NRG1: variants seen among roughly 807,000 people sequenced by gnomAD.
NRG1 encodes pro-neuregulin-1, membrane-bound isoform.
A neutral mutation model predicts 63.8 loss-of-function variants in NRG1; 18 were observed. That is an observed-to-expected ratio of 0.28 (90% CI 0.19 to 0.42). The LOEUF is 0.42. Among genes scored for constraint, NRG1 ranks in the 10% least tolerant of loss-of-function variants. The pLI, the probability that NRG1 is intolerant of heterozygous loss-of-function variation, is 1.00. For missense variants in NRG1, 762 were observed against 814.7 expected (o/e 0.94, Z 0.79); for synonymous variants, 302 against 301.3 (o/e 1.00, Z -0.02).
chr8:32,065,134 GA>G (rs760234792), intron 1 of NRG1, among the ~76,000 whole-genome samples: 2,429 of 145,382 alleles, frequency 0.017, 21 homozygotes, highest in Middle Eastern at 0.025. Context: ...GATTCCTACA[GA>G]AAAAAAAAAA....
intron 1 of NRG1, among the ~76,000 whole-genome samples, chr8:31,806,614 A>G (rs1822313473): frequency 6.6e-6 from 1 of 152,154 alleles, no homozygotes; most frequent in African/African-American, 2.4e-5. Context: ...GCTCAACCTA[A>G]TACCCTTTCT....
intron 1 of NRG1, among the ~76,000 whole-genome samples, chr8:32,032,192 C>G (rs1037733920): frequency 2.0e-5 from 3 of 152,024 alleles, no homozygotes; most frequent in Non-Finnish European, 4.4e-5. Flanking sequence ...TTGCATTTCT[C>G]TAGTGATCAG....
At chr8:31,736,052 T>C (rs1814629379) in intron 1 of NRG1, among the ~76,000 whole-genome samples, 1 of 152,100 alleles carries the variant, frequency 6.6e-6, no homozygotes, top group Admixed American at 6.6e-5. Context: ...ACTCAAACCC[T>C]CCATGAACTT....
chr8:31,699,344 T>C (rs1810398408), intron 1 of NRG1, among the ~76,000 whole-genome samples: 1 of 152,156 alleles, frequency 6.6e-6, no homozygotes. Context: ...CATAGTCACA[T>C]GAATATACCT....
At chr8:31,905,752 A>G (rs923263490) in intron 1 of NRG1, among the ~76,000 whole-genome samples, 2 of 152,224 alleles carry the variant, frequency 1.3e-5, no homozygotes, top group African/African-American at 4.8e-5. Flanking sequence ...AAGGATTAAC[A>G]TGTACAAATT....
chr8:32,756,575 G>A (rs750972278), intron 9 of NRG1, 46 bp downstream of exon 9: 1 of 1,559,030 alleles, frequency 6.4e-7, no homozygotes. Context: ...TCTCTCCTTT[G>A]TTCAGACGCC....
At chr8:31,987,162 G>A (rs1810204358) in intron 1 of NRG1, among the ~76,000 whole-genome samples, 1 of 151,784 alleles carries the variant, frequency 6.6e-6, no homozygotes, top group African/African-American at 2.4e-5. Context: ...GCTGGGCATG[G>A]TGGAGGCTGT....
intron 1 of NRG1, among the ~76,000 whole-genome samples, chr8:32,286,550 A>G (rs552380217): frequency 6.7e-4 from 102 of 152,326 alleles, no homozygotes; most frequent in African/African-American, 2.4e-3. Flanking sequence ...TCTATGATAG[A>G]TGGCTTGGTG....
chr8:32,500,473 A>G (rs13268645), intron 1 of NRG1, among the ~76,000 whole-genome samples: 8,029 of 152,266 alleles, frequency 0.053, 284 homozygotes, highest in Middle Eastern at 0.085. Context: ...CCATATAGTC[A>G]ACCTTAGTTC....
chr8:32,640,854 G>A (rs1047392232), intron 5 of NRG1, among the ~76,000 whole-genome samples: 1 of 152,054 alleles, frequency 6.6e-6, no homozygotes, highest in East Asian at 1.9e-4. Context: ...CCAGCACTTT[G>A]GGAGGCTGTG....
chr8:32,219,207 T>C (rs56228203), intron 1 of NRG1, among the ~76,000 whole-genome samples: 18,640 of 152,254 alleles, frequency 0.12, 1,174 homozygotes, highest in East Asian at 0.25. Context: ...GGCAACATGA[T>C]TCTGACCGCC....
At chr8:31,742,199 T>C (rs1190282659) in intron 1 of NRG1, among the ~76,000 whole-genome samples, 2 of 151,816 alleles carry the variant, frequency 1.3e-5, no homozygotes, top group Admixed American at 1.3e-4. Context: ...CTATAGAGAA[T>C]TTTAGGAGAA....
chr8:31,709,899 A>G (rs149447918), intron 1 of NRG1, among the ~76,000 whole-genome samples: 110 of 151,620 alleles, frequency 7.3e-4, no homozygotes, highest in Non-Finnish European at 1.4e-3. Flanking sequence ...TTTAAAATGT[A>G]TTTATTCTAT....
chr8:32,299,722 G>A (rs1054006541), intron 1 of NRG1, among the ~76,000 whole-genome samples: 2 of 152,108 alleles, frequency 1.3e-5, no homozygotes, highest in Non-Finnish European at 2.9e-5. Context: ...TTACATAGAG[G>A]CAGTCAAGAG....
At chr8:32,509,432 TA>T (rs1288570197) in intron 1 of NRG1, among the ~76,000 whole-genome samples, 2 of 152,054 alleles carry the variant, frequency 1.3e-5, no homozygotes, top group African/African-American at 2.4e-5. Flanking sequence ...TTTGTAATCT[TA>T]AAAAAAATAC....
chr8:31,856,782 T>C (rs551368781), intron 1 of NRG1, among the ~76,000 whole-genome samples: 1 of 152,274 alleles, frequency 6.6e-6, no homozygotes, highest in South Asian at 2.1e-4. Context: ...GATGTACAGA[T>C]GGGTTTTTGG....
intron 1 of NRG1, among the ~76,000 whole-genome samples, chr8:31,916,959 T>C (rs1346474775): frequency 6.6e-6 from 1 of 152,126 alleles, no homozygotes; most frequent in Non-Finnish European, 1.5e-5. Context: ...TGGCCAGTGA[T>C]GGCAAGCATT....
At chr8:32,252,464 T>C (rs1029216438) in intron 1 of NRG1, among the ~76,000 whole-genome samples, 1 of 152,154 alleles carries the variant, frequency 6.6e-6, no homozygotes, top group Non-Finnish European at 1.5e-5. Flanking sequence ...CTTTTCCCCA[T>C]TGTTTGTTTT....
intron 5 of NRG1, among the ~76,000 whole-genome samples, chr8:32,701,704 A>G (rs1814939483): frequency 6.6e-6 from 1 of 152,270 alleles, no homozygotes; most frequent in African/African-American, 2.4e-5. Flanking sequence ...GGAGAAAATT[A>G]TAGATTATAG....
Sources: gnomAD v4.1 joint callset for allele counts (sites outside exome capture counted in the v4.1 genomes callset) on GRCh38, gnomAD v4.1.1 for gene constraint, MANE v1.5 for transcripts, NCBI Gene and HGNC (gene_info 2026-07-23, HGNC 2026-07-21) for gene names.